Variants in MTMR10 observed in about 807,000 individuals in gnomAD.
MTMR10 encodes myotubularin-related protein 10.
A neutral mutation model predicts 88.1 loss-of-function variants in MTMR10; 56 were observed. The ratio of observed to expected loss-of-function variants is 0.64; its 90% CI spans 0.51 to 0.79. MTMR10 has a LOEUF of 0.79. Ranked by LOEUF, MTMR10 falls within the 30% of genes least tolerant of loss-of-function variation. MTMR10 has a pLI of 0.00. For missense variants in MTMR10, 883 were observed against 924.7 expected (o/e 0.95, Z 0.58); for synonymous variants, 380 against 340.9 (o/e 1.11, Z -1.26).
At chr15:30,934,084 T>C (rs1470848012), downstream of MTMR10, among the ~76,000 whole-genome samples, 1 of 152,178 alleles carries the variant, frequency 6.6e-6, no homozygotes, top group Admixed American at 6.5e-5. Context: ...TTGCTTCATG[T>C]ATTTTGAAGG....
chr15:30,972,737 CTTCT>C (rs1489445137), intron 5 of MTMR10, among the ~76,000 whole-genome samples: 9 of 152,266 alleles, frequency 5.9e-5, no homozygotes, highest in Middle Eastern at 3.4e-3. Flanking sequence ...GCATCTTACC[CTTCT>C]TTCTACTTGC....
chr15:30,964,688 C>A (rs983636202), intron 6 of MTMR10, among the ~76,000 whole-genome samples: 7 of 152,196 alleles, frequency 4.6e-5, no homozygotes, highest in African/African-American at 1.7e-4. Context: ...TGGACCAACA[C>A]AGTGAAAGGT....
intron 6 of MTMR10, among the ~76,000 whole-genome samples, chr15:30,962,696 T>C (rs1196815630): frequency 1.3e-5 from 2 of 152,216 alleles, no homozygotes; most frequent in Non-Finnish European, 2.9e-5. Flanking sequence ...CATGTGCTAA[T>C]GCCTGAGAGC....
chr15:30,925,613 C>G, the MTMR10 span, among the ~76,000 whole-genome samples: 1 of 152,194 alleles, frequency 6.6e-6, no homozygotes, highest in Non-Finnish European at 1.5e-5. Flanking sequence ...TCTCCCAGGG[C>G]CGGACCAGCG....
At chr15:30,924,672 T>C in the MTMR10 span, among the ~76,000 whole-genome samples, 1 of 152,204 alleles carries the variant, frequency 6.6e-6, no homozygotes, top group Non-Finnish European at 1.5e-5. Context: ...GGTTCTTGAC[T>C]GCATATGAGA....
At chr15:30,991,335 G>T in intron 1 of MTMR10, 112 bp downstream of exon 1, 1 of 1,107,268 alleles carries the variant, frequency 9.0e-7, no homozygotes, top group Non-Finnish European at 1.2e-6. Flanking sequence ...GCGCTGCTGT[G>T]GGCAGGGAGA....
At chr15:30,965,650 G>C (rs538312286) in intron 6 of MTMR10, among the ~76,000 whole-genome samples, 1 of 152,302 alleles carries the variant, frequency 6.6e-6, no homozygotes, top group African/African-American at 2.4e-5. Flanking sequence ...TGTGCAAAGC[G>C]ATGTTCCAAA....
Position 30,941,539 on chromosome 15 carries a change from T to C in MTMR10, c.2265A>G (p.Thr755=), listed in dbSNP as rs951244319. Residue 755 remains threonine (T), a synonymous_variant, in exon 16 of 16, where the codon ACA becomes ACG. Coordinates refer to ENST00000435680, the MANE Select transcript of MTMR10 (RefSeq NM_017762.3). ...GNLCRRSILG[T]PLSKFLSGAK... is the part of the protein sequence containing the mutation. Reference sequence around the variant, plus strand: ...CCCCACTTAAAAATTTGCTTAATGGTGTTCCTAAAATGCTTCGTCTGCACA... The same window carrying C: ...CCCCACTTAAAAATTTGCTTAATGGCGTTCCTAAAATGCTTCGTCTGCACA... 1 of 1,609,014 alleles carries C rather than the reference T, an allele frequency of 6.2e-7. No homozygotes were observed. The highest frequency in any genetic ancestry group is 1.1e-5 in the South Asian group (1 of 90,172).
intron 6 of MTMR10, among the ~76,000 whole-genome samples, chr15:30,965,719 T>C (rs2063464976): frequency 6.6e-6 from 1 of 152,220 alleles, no homozygotes; most frequent in African/African-American, 2.4e-5. Context: ...TTGGGATGAC[T>C]GCAGGACCTT....
intron 2 of MTMR10, among the ~76,000 whole-genome samples, chr15:30,980,266 C>T (rs1008793298): frequency 1.3e-5 from 2 of 152,192 alleles, no homozygotes; most frequent in African/African-American, 2.4e-5. Flanking sequence ...TAGAATGTGT[C>T]CATGCAAGTC....
chr15:30,957,600 G>T (rs1184640759), intron 9 of MTMR10, among the ~76,000 whole-genome samples: 1 of 152,268 alleles, frequency 6.6e-6, no homozygotes, highest in Non-Finnish European at 1.5e-5. Context: ...GTGGGTGCCT[G>T]TAATCCCAGC....
the MTMR10 span, chr15:30,927,430 G>A: frequency 7.1e-6 from 7 of 985,524 alleles, no homozygotes; most frequent in Admixed American, 1.8e-4. Context: ...TCCCTGAGAC[G>A]GGCTGCAGGG....
At position 30,960,927 on chromosome 15, in the gene MTMR10, C is replaced by T. The variant is rs374869208; in HGVS notation, c.712G>A (p.Gly238Arg). 12 of 1,612,428 alleles carry T rather than the reference C, an allele frequency of 7.4e-6. No homozygotes were observed. The highest frequency in any genetic ancestry group is 8.5e-6 in the Non-Finnish European group (10 of 1,179,098). ...DREIKRTGAS[G>R]WRVCSINEGY... Reference sequence around the variant, plus strand: ...TCGTTAATAGAACAAACTCTCCACCCGGAAGCACCTGTCCTCTTGATTTCT... The same window carrying T: ...TCGTTAATAGAACAAACTCTCCACCTGGAAGCACCTGTCCTCTTGATTTCT... The change falls in exon 7 of 16, where the codon GGG becomes AGG. Residue 238 changes from glycine to arginine, a missense_variant. By Grantham distance (125) the Gly-to-Arg change is moderately radical. This residue lies in a region of MTMR10 where 414 missense variants were observed against 423.2 expected (regional missense o/e 0.98). Transcript: ENST00000435680.
the MTMR10 span, chr15:30,928,506 T>TTTTG: frequency 4.7e-6 from 7 of 1,484,520 alleles, no homozygotes; most frequent in South Asian, 2.7e-5. Context: ...AAAACAGATT[T>TTTTG]TGTGTGTGTG....
intron 14 of MTMR10, chr15:30,943,523 T>C: frequency 1.0e-6 from 1 of 985,408 alleles, no homozygotes; most frequent in South Asian, 4.7e-5. Context: ...TATAACTTAC[T>C]TCGTAAGTGG....
In MTMR10 at chr15:30,941,271, G is replaced by A. The variant is rs1207451982; in HGVS notation, c.*199C>T. The A allele has an allele frequency of 2.7e-6, 4 of 1,485,784 alleles. No individual in the cohort carries two copies. The highest frequency in any genetic ancestry group is 3.6e-6 in the Non-Finnish European group (4 of 1,115,972). The allele number at this position is 1,485,784 out of a possible 1,614,324, so 92.0% of individuals were successfully genotyped here. A position where few individuals can be genotyped will look rare whatever the true frequency, so the allele number is the denominator to read the frequency against. ...AGCCAGACCTGTAATGACAGAAAGAGGACAGGAACAAAATTTACATCTCTC... is the reference window on the plus strand; with the variant it reads ...AGCCAGACCTGTAATGACAGAAAGAAGACAGGAACAAAATTTACATCTCTC... On this transcript the variant is annotated 3_prime_UTR_variant, in exon 16 of 16. Transcript: ENST00000435680.
downstream of MTMR10, among the ~76,000 whole-genome samples, chr15:30,936,531 G>A (rs2062857625): frequency 6.6e-6 from 1 of 152,210 alleles, no homozygotes. Flanking sequence ...CTCATCCTCT[G>A]TGAAGAACTG....
intron 8 of MTMR10, 40 bp from the exon 9 acceptor site, chr15:30,958,991 C>T: frequency 6.2e-7 from 1 of 1,613,432 alleles, no homozygotes; most frequent in Admixed American, 1.7e-5. Context: ...TGTGTAGAAA[C>T]AATGGACGTC....
intron 13 of MTMR10, 112 bp from the exon 14 acceptor site, chr15:30,947,412 AGCCTAAAACACTT>A (rs2063186731): frequency 8.0e-7 from 1 of 1,247,514 alleles, no homozygotes; most frequent in Non-Finnish European, 1.1e-6. Context: ...AAAACATCGA[AGCCTAAAACACTT>A]GCCTTCTAAG....
Sources: allele counts gnomAD v4.1 joint callset (sites outside exome capture counted in the v4.1 genomes callset), GRCh38; gene constraint gnomAD v4.1.1; regional missense constraint gnomAD v4.1.1; transcripts MANE v1.5; gene names NCBI Gene and HGNC (gene_info 2026-07-23, HGNC 2026-07-21).